Variants in BORA observed in about 807,000 individuals in gnomAD.
BORA encodes the protein BORA aurora kinase A activator.
BORA carries 26 observed loss-of-function variants against 55.8 expected under a neutral mutation model. That is an observed-to-expected ratio of 0.47 (90% CI 0.34 to 0.65). BORA has a LOEUF of 0.65. BORA is among the 30% of genes least tolerant of loss of function. BORA has a pLI of 0.01. For missense variants in BORA, 568 were observed against 671.5 expected (o/e 0.85, Z 1.70); for synonymous variants, 201 against 216.9 (o/e 0.93, Z 0.64).
intron 4 of BORA, among the ~76,000 whole-genome samples, chr13:72,736,983 T>TAA (rs764598179): frequency 3.7e-5 from 5 of 133,464 alleles, no homozygotes; most frequent in Non-Finnish European, 4.9e-5. Context: ...AGTCCACCTT[T>TAA]AAAAAAAAAA....
Position 72,737,998 on chromosome 13 carries a change from A to G in BORA, c.343A>G (p.Thr115Ala), listed in dbSNP as rs375002859. The stretch of plus-strand genomic sequence containing the variant: ...AGATGTCATCGTACCCTCTCCTTGG[A>G]CTGATCATGAAGGGAAACAGCTTTC... Reference protein sequence around the residue: ...TKDVIVPSPWTDHEGKQLSQC... With the variant: ...TKDVIVPSPWADHEGKQLSQC... The change falls in exon 5 of 12, where the codon ACT (threonine) becomes GCT (alanine). Residue 115 changes from threonine to alanine, a missense_variant. Thr to Ala is a moderately conservative substitution (Grantham distance 58, BLOSUM62 0). Transcript: ENST00000390667. 2.7e-5 allele frequency: 43 copies of G among 1,601,966 alleles called. No individual in the cohort carries two copies. The African/African-American group carries it at 5.2e-4, about 19-fold the overall frequency.
At chr13:72,752,776 A>G (rs555108535) in intron 10 of BORA, 23 of 102,778 alleles carry the variant, frequency 2.2e-4, no homozygotes, top group Middle Eastern at 8.6e-3. Context: ...TTATTAAGTG[A>G]TAAAGAGTGC....
At chr13:72,748,655 A>G (rs1417071092) in intron 10 of BORA, among the ~76,000 whole-genome samples, 1 of 152,190 alleles carries the variant, frequency 6.6e-6, no homozygotes, top group Non-Finnish European at 1.5e-5. Flanking sequence ...AAATAGAAAA[A>G]AGCACATATA....
At chr13:72,735,073 AG>A in intron 4 of BORA, 68 bp downstream of exon 4, 1 of 1,268,998 alleles carries the variant, frequency 7.9e-7, no homozygotes, top group Middle Eastern at 1.9e-4. Flanking sequence ...CACTTCTTTT[AG>A]GAAGACTTTC....
chr13:72,742,984 A>C (rs2033066774), intron 5 of BORA, among the ~76,000 whole-genome samples: 1 of 152,176 alleles, frequency 6.6e-6, no homozygotes, highest in Non-Finnish European at 1.5e-5. Context: ...GAAGTAGAGA[A>C]TAGAGTGGTG....
At chr13:72,737,660 C>CT (rs1430623626) in intron 4 of BORA, among the ~76,000 whole-genome samples, 3 of 151,698 alleles carry the variant, frequency 2.0e-5, no homozygotes, top group Non-Finnish European at 4.4e-5. Context: ...CCTTTTCATC[C>CT]TTTTTTTTGT....
chr13:72,744,130 A>G lies in BORA; in HGVS notation c.455-375A>G, dbSNP rs369140124. Among the ~76,000 whole-genome samples, 19 of 152,328 alleles carry G rather than the reference A, an allele frequency of 1.2e-4. No individual in the cohort carries two copies. The East Asian group carries it at 3.7e-3, about 29-fold the overall frequency. On this transcript the variant is annotated intron_variant, in intron 6 of 11. Transcript: ENST00000390667. ...GAACAGATGCATCCAGCCATGTTTT[A>G]GAAATAGCACTAGTGTTTTGTTTTC...
intron 5 of BORA, among the ~76,000 whole-genome samples, chr13:72,739,315 A>G (rs1027603745): frequency 5.9e-5 from 9 of 152,308 alleles, no homozygotes; most frequent in Admixed American, 5.2e-4. Context: ...TGCAGGATCA[A>G]GAAGATGCTT....
Position 72,744,501 on chromosome 13 carries a change from C to A in BORA, c.455-4C>A. 1 of 1,609,324 alleles carries A rather than the reference C, an allele frequency of 6.2e-7. No individual in the cohort carries two copies. The highest frequency in any genetic ancestry group is 8.5e-7 in the Non-Finnish European group (1 of 1,176,906). On this transcript the variant is annotated splice_polypyrimidine_tract_variant and splice_region_variant and intron_variant, in intron 6 of 11. Transcript: ENST00000390667. ...AATTTGTTTATTTATTTGCTTGTTT[C>A]CAGCTGCTTGTCAGACATTGCTGTC... is the stretch of plus-strand genomic sequence containing the variant.
intron 10 of BORA, among the ~76,000 whole-genome samples, chr13:72,750,276 A>C (rs1845325568): frequency 6.6e-6 from 1 of 152,224 alleles, no homozygotes; most frequent in South Asian, 2.1e-4. Flanking sequence ...ATTGGGCTTG[A>C]AAAGGGGCTA....
At chr13:72,741,933 G>A (rs996502929) in intron 5 of BORA, among the ~76,000 whole-genome samples, 13 of 152,088 alleles carry the variant, frequency 8.5e-5, no homozygotes, top group Admixed American at 4.6e-4. Context: ...TAATTAGATG[G>A]CAACCATGCT....
chr13:72,737,812 C>A, intron 4 of BORA, 150 bp from the exon 5 acceptor site: 1 of 266,248 alleles, frequency 3.8e-6, no homozygotes, highest in Non-Finnish European at 7.3e-6. Flanking sequence ...AAATTTCTTC[C>A]ATTTTTCCTT....
chr13:72,744,866 T>C (rs2033109239), intron 7 of BORA, 115 bp from the exon 8 acceptor site: 4 of 974,340 alleles, frequency 4.1e-6, no homozygotes, highest in Non-Finnish European at 6.0e-6. Flanking sequence ...CTTTGCCCTC[T>C]TTTTGGGAAA....
intron 3 of BORA, among the ~76,000 whole-genome samples, chr13:72,732,949 A>C (rs1048823610): frequency 2.0e-5 from 3 of 152,244 alleles, no homozygotes; most frequent in African/African-American, 7.2e-5. Context: ...AAATATAATT[A>C]GACCAAAGTT....
At chr13:72,730,517 A>G (rs1389342071) in intron 2 of BORA, among the ~76,000 whole-genome samples, 1 of 152,202 alleles carries the variant, frequency 6.6e-6, no homozygotes, top group African/African-American at 2.4e-5. Flanking sequence ...GCCATTCATA[A>G]TTATTTTAAG....
chr13:72,739,195 C>T lies in BORA; in HGVS notation c.388+1152C>T, dbSNP rs559282474. ...GGCATTCTCATAGATACTAGTTTTT[C>T]ACCCCCAGATTCTTTACTGTTGGAT... is the stretch of plus-strand genomic sequence containing the variant. On this transcript the variant is annotated intron_variant, in intron 5 of 11. Coordinates refer to ENST00000390667, the MANE Select transcript of BORA (RefSeq NM_024808.5). Among the ~76,000 whole-genome samples the T allele has an allele frequency of 2.6e-5, 4 of 152,298 alleles. No homozygotes were observed. In the East Asian group the frequency reaches 7.7e-4, roughly 29 times the overall value.
intron 5 of BORA, among the ~76,000 whole-genome samples, chr13:72,742,372 A>G (rs956872601): frequency 8.2e-6 from 1 of 122,126 alleles, no homozygotes; most frequent in African/African-American, 2.6e-5. Context: ...TTCAATTTAT[A>G]AAACTTTAGA....
At chr13:72,743,448 A>T in intron 5 of BORA, 89 bp from the exon 6 acceptor site, 1 of 859,924 alleles carries the variant, frequency 1.2e-6, no homozygotes, top group Non-Finnish European at 1.7e-6. Flanking sequence ...ATAAGTTTCC[A>T]CTTTCTTAAT....
chr13:72,730,910 AT>A (rs58512880), intron 2 of BORA, among the ~76,000 whole-genome samples: 87,664 of 137,890 alleles, frequency 0.64, 29,686 homozygotes, highest in East Asian at 0.9. Context: ...AAAAAAAAAA[AT>A]ACAAAAATTA....
Sources: allele counts gnomAD v4.1 joint callset (sites outside exome capture counted in the v4.1 genomes callset), GRCh38; gene constraint gnomAD v4.1.1; transcripts MANE v1.5; gene names NCBI Gene and HGNC (gene_info 2026-07-23, HGNC 2026-07-21).